The following ZXDC variants were observed in gnomAD, a reference collection of about 807,000 sequenced individuals.
ZXDC encodes the protein ZXD family zinc finger C, also known as zinc finger protein ZXDC.
ZXDC carries 58 observed loss-of-function variants against 63.6 expected under a neutral mutation model. The ratio of observed to expected loss-of-function variants is 0.91; its 90% CI spans 0.74 to 1.13. The LOEUF is 1.13. Among genes scored for constraint, ZXDC ranks in the 50% most tolerant of loss-of-function variants. The probability of loss-of-function intolerance (pLI) is 0.00; values close to 1 mark genes in which losing one functional copy is unlikely to be tolerated. For missense variants in ZXDC, 1,133 were observed against 1,148.9 expected (o/e 0.99, Z 0.20); for synonymous variants, 561 against 496.1 (o/e 1.13, Z -1.74).
At chr3:126,438,513 G>C in intron 9 of ZXDC, 52 bp from the exon 10 acceptor site, 1 of 1,535,926 alleles carries the variant, frequency 6.5e-7, no homozygotes, top group Non-Finnish European at 8.9e-7. Flanking sequence ...GAGGCAGAGG[G>C]ATCCTGTGGC....
At chr3:126,465,464 T>G (rs1198097613) in intron 5 of ZXDC, among the ~76,000 whole-genome samples, 1 of 152,186 alleles carries the variant, frequency 6.6e-6, no homozygotes, top group Admixed American at 6.5e-5. Context: ...CCCTCGTTAC[T>G]CCCAGTCCAC....
At chr3:126,472,592 C>T (rs746289154) in intron 1 of ZXDC, among the ~76,000 whole-genome samples, 2 of 152,268 alleles carry the variant, frequency 1.3e-5, no homozygotes, top group East Asian at 1.9e-4. Flanking sequence ...ATCTACTGGC[C>T]GGCTCCGGAG....
At chr3:126,460,476 T>C (rs1055923484) in intron 6 of ZXDC, 57 of 985,292 alleles carry the variant, frequency 5.8e-5, no homozygotes, top group Non-Finnish European at 6.6e-5. Flanking sequence ...GACCAAGGTC[T>C]TGCTGGCTTC....
At chr3:126,438,796 G>C (rs920962340) in intron 9 of ZXDC, among the ~76,000 whole-genome samples, 1 of 152,208 alleles carries the variant, frequency 6.6e-6, no homozygotes, top group African/African-American at 2.4e-5. Context: ...CCAGGTATTA[G>C]GTGTCCGTCC....
At chr3:126,441,149 G>A (rs1377630585) in intron 8 of ZXDC, 8 of 985,574 alleles carry the variant, frequency 8.1e-6, no homozygotes, top group Non-Finnish European at 9.6e-6. Context: ...TGTGCTCAGG[G>A]CTGCTGAAGC....
chr3:126,454,899 T>C, intron 7 of ZXDC: 2 of 985,436 alleles, frequency 2.0e-6, no homozygotes, highest in Non-Finnish European at 2.4e-6. Flanking sequence ...ATTCACACAT[T>C]TTATTTTCTA....
At chr3:126,441,698 A>G in intron 8 of ZXDC, 67 bp downstream of exon 8, 5 of 1,475,746 alleles carry the variant, frequency 3.4e-6, no homozygotes, top group Non-Finnish European at 4.5e-6. Flanking sequence ...CATGCCGCAC[A>G]CTGCTCAGAC....
At chr3:126,459,885 G>A (rs892325891) in intron 6 of ZXDC, 148 bp from the exon 7 acceptor site, 9 of 1,530,316 alleles carry the variant, frequency 5.9e-6, no homozygotes, top group South Asian at 5.1e-5. Context: ...AGGGCCAAAC[G>A]CTACATCCAC....
At chr3:126,474,502 G>A (rs1935104503) in intron 1 of ZXDC, among the ~76,000 whole-genome samples, 1 of 152,130 alleles carries the variant, frequency 6.6e-6, no homozygotes, top group African/African-American at 2.4e-5. Context: ...AGTGCAAAAG[G>A]CAAAAAAAGC....
chr3:126,460,987 A>C, intron 6 of ZXDC: 1 of 970,474 alleles, frequency 1.0e-6, no homozygotes, highest in South Asian at 4.8e-5. Flanking sequence ...ATTATATTAA[A>C]TGTATAATTG....
intron 3 of ZXDC, 69 bp downstream of exon 3, chr3:126,471,904 A>G (rs1934994888): frequency 7.6e-7 from 1 of 1,308,612 alleles, no homozygotes; most frequent in Non-Finnish European, 1.1e-6. Context: ...TATTTCATTC[A>G]TTGGTTTCTG....
chr3:126,461,976 C>A lies in ZXDC; in HGVS notation c.1686G>T (p.Pro562=). 1.2e-6 allele frequency: 2 copies of A among 1,614,078 alleles called. No individual in the cohort carries two copies. Among genetic ancestry groups the A allele is most frequent in the Admixed American group, 1.7e-5 (1 of 60,022 alleles). ...GGGCCACCAGGACCAGGGGTTCCAT[C>A]GGCCCTAGGGAGCTATTATTAGCAG... ...NLPANNSSLG[P]MEPLVLVAHS... is the part of the protein sequence containing the mutation. Residue 562 remains proline (P), a synonymous_variant, in exon 6 of 10, where the codon CCG becomes CCT. Transcript: ENST00000389709.
In ZXDC at chr3:126,461,756, G is replaced by A; in HGVS notation, c.1906C>T (p.His636Tyr). ...ALTSNSNLAA[H>Y]ITTPTSSSTP... is the part of the protein sequence containing the mutation. ...CTCGAAGAGGTCGGTGTGGTGATAT[G>A]TGCTGCTAAGTTACTATTGGAGGTC... Residue 636 changes from histidine to tyrosine, a missense_variant, in exon 6 of 10, where the codon CAT becomes TAT. Transcript: ENST00000389709. 1 of 1,614,108 alleles carries A rather than the reference G, an allele frequency of 6.2e-7. No homozygotes were observed. The highest frequency in any genetic ancestry group is 8.5e-7 in the Non-Finnish European group (1 of 1,180,010).
intron 9 of ZXDC, among the ~76,000 whole-genome samples, chr3:126,439,389 C>T (rs1240171931): frequency 1.3e-5 from 2 of 152,216 alleles, no homozygotes; most frequent in Admixed American, 6.5e-5. Flanking sequence ...AGGCACAACA[C>T]TTTCAAGAGC....
chr3:126,471,901 T>C, intron 3 of ZXDC, 72 bp downstream of exon 3: 1 of 1,261,742 alleles, frequency 7.9e-7, no homozygotes, highest in Non-Finnish European at 1.1e-6. Flanking sequence ...AGATATTTCA[T>C]TCATTGGTTT....
In ZXDC at chr3:126,475,696, TCCCCGGGCCGCG is replaced by T. The variant is rs760532653; in HGVS notation, c.158_169del (p.Ala53_Gly56del). 8.4e-6 allele frequency: 11 copies of T among 1,302,076 alleles called. No individual in the cohort carries two copies. The highest frequency in any genetic ancestry group is 1.6e-5 in the African/African-American group (1 of 63,388). The allele number at this position is 1,302,076 out of a possible 1,614,324, so 80.7% of individuals were successfully genotyped here. A position where few individuals can be genotyped will look rare whatever the true frequency, so the allele number is the denominator to read the frequency against. ...GGGCGGCGGGCTTGGCCCGGAGGCC[TCCCCGGGCCGCG>T]CCCCGGGCCCGCCATCTTCAGGGCC... On this transcript the variant is annotated inframe_deletion, in exon 1 of 10. Transcript: ENST00000389709.
At chr3:126,461,421 C>A (rs776693580) in intron 6 of ZXDC, 114 bp downstream of exon 6, 5 of 1,443,120 alleles carry the variant, frequency 3.5e-6, no homozygotes, top group Middle Eastern at 1.8e-4. Context: ...TCCAGGGCTG[C>A]GTCCTTTTGT....
intron 7 of ZXDC, among the ~76,000 whole-genome samples, chr3:126,458,065 G>C (rs929193900): frequency 2.6e-5 from 4 of 152,270 alleles, no homozygotes; most frequent in African/African-American, 7.2e-5. Context: ...AACCAGTAGT[G>C]ACATATGAAC....
At chr3:126,438,578 T>A (rs2107623483) in intron 9 of ZXDC, 117 bp from the exon 10 acceptor site, 1 of 814,230 alleles carries the variant, frequency 1.2e-6, no homozygotes, top group Non-Finnish European at 1.9e-6. Context: ...CTTCTCTTAC[T>A]CAAAACTACA....
Sources: allele counts gnomAD v4.1 joint callset (sites outside exome capture counted in the v4.1 genomes callset), GRCh38; gene constraint gnomAD v4.1.1; transcripts MANE v1.5; gene names NCBI Gene and HGNC (gene_info 2026-07-23, HGNC 2026-07-21).